PPP2R5E: variants seen among roughly 807,000 people sequenced by gnomAD.
PPP2R5E encodes the protein serine/threonine-protein phosphatase 2A 56 kDa regulatory subunit epsilon isoform.
PPP2R5E carries 4 observed loss-of-function variants against 65.3 expected under a neutral mutation model. That is an observed-to-expected ratio of 0.06 (90% confidence interval 0.03 to 0.14). The LOEUF (loss-of-function observed/expected upper bound fraction) is 0.14. PPP2R5E is among the 10% of genes least tolerant of loss of function. PPP2R5E has a pLI of 1.00. For missense variants in PPP2R5E, 274 were observed against 556.1 expected, an observed-to-expected ratio of 0.49 and a Z score of 5.10; for synonymous variants, 183 against 187.4, an observed-to-expected ratio of 0.98 and a Z score of 0.19.
At chr14:63,376,129 AATG>A in intron 13 of PPP2R5E, 21 bp from the exon 14 acceptor site, 4 of 1,495,010 alleles carry the variant, frequency 2.7e-6, no homozygotes, top group Non-Finnish European at 3.7e-6. Flanking sequence ...AACAGAATAC[AATG>A]TAAACAGCTG....
At chr14:63,429,689 G>GTT (rs113618626) in intron 3 of PPP2R5E, among the ~76,000 whole-genome samples, 5 of 144,412 alleles carry the variant, frequency 3.5e-5, no homozygotes, top group African/African-American at 1.3e-4. Flanking sequence ...TTTGTTTTTT[G>GTT]TTTTTTTTTT....
chr14:63,467,249 A>AAAAAAAAAC (rs1889878928), intron 2 of PPP2R5E, among the ~76,000 whole-genome samples: 1 of 150,798 alleles, frequency 6.6e-6, no homozygotes, highest in African/African-American at 2.5e-5. Context: ...CAAACAAAAA[A>AAAAAAAAAC]AACACTATTT....
chr14:63,484,345 TCTCA>T (rs754547056), intron 2 of PPP2R5E, among the ~76,000 whole-genome samples: 19 of 124,346 alleles, frequency 1.5e-4, no homozygotes, highest in East Asian at 4.9e-4. Context: ...TCTCTCTCTC[TCTCA>T]CACACACACA....
intron 2 of PPP2R5E, among the ~76,000 whole-genome samples, chr14:63,526,199 AAACT>A (rs978463861): frequency 7.9e-5 from 12 of 152,152 alleles, no homozygotes; most frequent in African/African-American, 2.9e-4. Context: ...AAATGCTGCA[AAACT>A]AACATGGCTC....
chr14:63,426,860 A>G (rs1360672238), intron 3 of PPP2R5E, among the ~76,000 whole-genome samples: 1 of 152,134 alleles, frequency 6.6e-6, no homozygotes, highest in Admixed American at 6.5e-5. Flanking sequence ...ATGGGCTTCC[A>G]TTGGGGCACG....
At chr14:63,494,978 C>T (rs928582009) in intron 2 of PPP2R5E, among the ~76,000 whole-genome samples, 31 of 151,884 alleles carry the variant, frequency 2.0e-4, no homozygotes, top group Admixed American at 1.6e-3. Context: ...CTGAGGCAGG[C>T]GGATCACTGG....
chr14:63,442,587 C>CAG (rs1175430594), intron 3 of PPP2R5E, among the ~76,000 whole-genome samples: 1 of 152,066 alleles, frequency 6.6e-6, no homozygotes, highest in African/African-American at 2.4e-5. Flanking sequence ...GAGAGAGACA[C>CAG]AGAGAGAGAA....
At chr14:63,477,260 T>C (rs748594623) in intron 2 of PPP2R5E, among the ~76,000 whole-genome samples, 2 of 152,138 alleles carry the variant, frequency 1.3e-5, no homozygotes, top group African/African-American at 2.4e-5. Flanking sequence ...AAATGTGCAA[T>C]GTAGTAATAT....
At chr14:63,542,649 C>CA (rs1258471092) in intron 1 of PPP2R5E, 130 bp downstream of exon 1, 3 of 152,472 alleles carry the variant, frequency 2.0e-5, no homozygotes, top group Non-Finnish European at 2.9e-5. Context: ...CCCGCTCCCG[C>CA]ACCCCACCCC....
In PPP2R5E at chr14:63,513,931, G is replaced by A. The variant is rs564076257; in HGVS notation, c.157+25598C>T. 2.6e-5 allele frequency among the ~76,000 whole-genome samples: 4 copies of A among 152,314 alleles called. No homozygotes were observed. The South Asian group carries it at 8.3e-4, about 32-fold the overall frequency. ...CACTCTTCCACTTGCACATCCCCCAGACACAAAGGTACTATGCTCTTTAGG... is the reference window on the plus strand; with the variant it reads ...CACTCTTCCACTTGCACATCCCCCAAACACAAAGGTACTATGCTCTTTAGG... On this transcript the variant is annotated intron_variant, in intron 2 of 13. Transcript: ENST00000337537.
intron 3 of PPP2R5E, among the ~76,000 whole-genome samples, chr14:63,440,452 T>A (rs1888166710): frequency 6.6e-6 from 1 of 151,042 alleles, no homozygotes; most frequent in East Asian, 2.0e-4. Context: ...CCCCAGAGCA[T>A]ACTATGTGGT....
At chr14:63,389,927 T>G (rs1884909950) in intron 10 of PPP2R5E, among the ~76,000 whole-genome samples, 196 bp from the exon 11 acceptor site, 1 of 152,120 alleles carries the variant, frequency 6.6e-6, no homozygotes, top group Non-Finnish European at 1.5e-5. Flanking sequence ...TTGGAAAAAT[T>G]CTACGTACTT....
At chr14:63,506,924 A>T (rs2139685446) in intron 2 of PPP2R5E, among the ~76,000 whole-genome samples, 1 of 152,374 alleles carries the variant, frequency 6.6e-6, no homozygotes, top group African/African-American at 2.4e-5. Context: ...ATGGATTTTT[A>T]AAATGTGGCA....
At chr14:63,467,627 A>G (rs962203252) in intron 2 of PPP2R5E, among the ~76,000 whole-genome samples, 1 of 152,246 alleles carries the variant, frequency 6.6e-6, no homozygotes, top group Non-Finnish European at 1.5e-5. Flanking sequence ...CCACTATCTC[A>G]AAAGTCTGTC....
At chr14:63,508,370 T>A (rs1892311340) in intron 2 of PPP2R5E, 4 of 264,696 alleles carry the variant, frequency 1.5e-5, no homozygotes, top group African/African-American at 4.6e-5. Flanking sequence ...GGGACCACAA[T>A]GGCACATAAA....
chr14:63,511,809 T>C (rs1192049005), intron 2 of PPP2R5E, among the ~76,000 whole-genome samples: 2 of 152,116 alleles, frequency 1.3e-5, no homozygotes, highest in African/African-American at 4.8e-5. Context: ...CTGGGTGTGA[T>C]GGCTCACGTC....
intron 2 of PPP2R5E, among the ~76,000 whole-genome samples, chr14:63,474,670 T>A (rs1350821460): frequency 7.4e-5 from 3 of 40,408 alleles, no homozygotes; most frequent in African/African-American, 4.2e-4. Context: ...TGATACCCCA[T>A]CTCAAAAAAA....
At chr14:63,502,848 C>T (rs976675804) in intron 2 of PPP2R5E, among the ~76,000 whole-genome samples, 1 of 152,078 alleles carries the variant, frequency 6.6e-6, no homozygotes, top group Non-Finnish European at 1.5e-5. Flanking sequence ...AATAACTAGG[C>T]CGGGTGCAAT....
chr14:63,373,137 A>C lies in PPP2R5E; in HGVS notation c.*2872T>G, dbSNP rs1019876032. ...AGCCTAAGGCCTCAGCGTCATTCTA[A>C]ACCACAGGGTTGTGTGTATTTTTCT... is the stretch of plus-strand genomic sequence containing the variant. On this transcript the variant is annotated 3_prime_UTR_variant, in exon 14 of 14. Transcript: ENST00000337537. 2.0e-5 allele frequency: 3 copies of C among 152,180 alleles called. No individual in the cohort carries two copies. The highest frequency in any genetic ancestry group is 4.4e-5 in the Non-Finnish European group (3 of 68,032). 9.4% of individuals were successfully genotyped at this position (152,180 alleles called of 1,614,324 possible). A position where few individuals can be genotyped will look rare whatever the true frequency, so the allele number is the denominator to read the frequency against.
Sources: allele counts gnomAD v4.1 joint callset (sites outside exome capture counted in the v4.1 genomes callset), GRCh38; gene constraint gnomAD v4.1.1; transcripts MANE v1.5; gene names NCBI Gene and HGNC (gene_info 2026-07-23, HGNC 2026-07-21).